The following TMEM181 variants were observed in gnomAD, a reference collection of about 807,000 sequenced individuals.
The protein encoded by TMEM181 is transmembrane protein 181.
TMEM181 carries 39 observed loss-of-function variants against 71.9 expected under a neutral mutation model. The ratio of observed to expected loss-of-function variants is 0.54; its 90% CI spans 0.42 to 0.71. TMEM181 has a LOEUF of 0.71. Ranked by LOEUF, TMEM181 falls within the 30% of genes least tolerant of loss-of-function variation. TMEM181 has a pLI of 0.00. For missense variants in TMEM181, 595 were observed against 583.0 expected (o/e 1.02, Z -0.21); for synonymous variants, 245 against 228.8 (o/e 1.07, Z -0.64).
chr6:158,536,832 A>C lies in TMEM181; in HGVS notation c.98A>C (p.Asp33Ala). The C allele has an allele frequency of 1.3e-6, 2 of 1,541,768 alleles. 1 individual carries two copies. ...GAAGCGTACCGCGAGCTCAAGGAGG[A>C]CCTCACGCCCTTCAAGGATGACCGC... Residue 33 changes from aspartate (D) to alanine (A), a missense_variant, in exon 1 of 17, where the codon GAC becomes GCC. Physicochemically the swap from Asp to Ala is moderately radical, Grantham distance 126. Transcript: ENST00000367090.
chr6:158,579,692 C>T (rs188964694), intron 2 of TMEM181, among the ~76,000 whole-genome samples: 2 of 152,196 alleles, frequency 1.3e-5, no homozygotes, highest in East Asian at 3.9e-4. Flanking sequence ...GCAGTCCAGC[C>T]TGGGCAACAA....
At chr6:158,589,577 G>A (rs921626576) in intron 5 of TMEM181, 95 bp from the exon 6 acceptor site, 1 of 877,208 alleles carries the variant, frequency 1.1e-6, no homozygotes, top group Non-Finnish European at 1.9e-6. Context: ...AATGAGTTCT[G>A]CCCATCTGCT....
At chr6:158,582,820 G>A (rs1017085529) in intron 3 of TMEM181, among the ~76,000 whole-genome samples, 9 of 152,180 alleles carry the variant, frequency 5.9e-5, no homozygotes, top group African/African-American at 2.2e-4. Context: ...AGATACTGCA[G>A]AAGAATCACT....
chr6:158,590,827 C>T (rs1273003044), intron 6 of TMEM181, among the ~76,000 whole-genome samples: 1 of 152,222 alleles, frequency 6.6e-6, no homozygotes, highest in Non-Finnish European at 1.5e-5. Context: ...ATTTTCATTG[C>T]CCCTTAAAGA....
At position 158,571,089 on chromosome 6, in the gene TMEM181, A is replaced by AAATT. The variant is rs200818655; in HGVS notation, c.9-2314_9-2311dup. Among the ~76,000 whole-genome samples, 936 of 151,492 alleles carry AAATT rather than the reference A, an allele frequency of 6.2e-3. 9 individuals are homozygous for AAATT. Among genetic ancestry groups the AAATT allele is most frequent in the African/African-American group, 0.021 (852 of 41,242 alleles). ...CACCACACCCAGCTAATTTTTTAAA[A>AAATT]AATTAATTAATTAATTAATTTTTTT... On this transcript the variant is annotated intron_variant, in intron 1 of 16. Coordinates refer to ENST00000684151, the MANE Select transcript of TMEM181 (RefSeq NM_001376852.1).
chr6:158,617,244 C>T (rs994108465), intron 10 of TMEM181, among the ~76,000 whole-genome samples: 1 of 152,110 alleles, frequency 6.6e-6, no homozygotes, highest in Non-Finnish European at 1.5e-5. Context: ...TTATCTATTT[C>T]TTCCAGATTT....
intron 8 of TMEM181, 47 bp downstream of exon 8, chr6:158,607,390 A>C: frequency 6.4e-7 from 1 of 1,564,464 alleles, no homozygotes. Context: ...TTAAAATGTA[A>C]AGCTGGAGGC....
At chr6:158,630,769 A>C (rs1786615015) in intron 15 of TMEM181, among the ~76,000 whole-genome samples, 1 of 151,774 alleles carries the variant, frequency 6.6e-6, no homozygotes, top group African/African-American at 2.4e-5. Context: ...AAACCAAAAC[A>C]ACCCTCTTGC....
At chr6:158,567,016 T>C (rs1782547087) in intron 1 of TMEM181, among the ~76,000 whole-genome samples, 1 of 152,154 alleles carries the variant, frequency 6.6e-6, no homozygotes, top group African/African-American at 2.4e-5. Context: ...GAAAGTGAGA[T>C]TAATTTAGAA....
At chr6:158,613,983 T>G (rs1785472687) in intron 10 of TMEM181, among the ~76,000 whole-genome samples, 1 of 152,250 alleles carries the variant, frequency 6.6e-6, no homozygotes, top group Non-Finnish European at 1.5e-5. Context: ...TGGTTTACAG[T>G]AACCCAACAT....
In TMEM181 at chr6:158,562,871, C is replaced by T. The variant is rs1345770048; in HGVS notation, c.8+2639C>T. On this transcript the variant is annotated intron_variant, in intron 1 of 16. Transcript: ENST00000684151. ...TCGTGGAATCCTCACTATCACCTTT[C>T]GTGAGGAAGTTTCTCTTTTCCCCAT... Among the ~76,000 whole-genome samples the T allele has an allele frequency of 1.1e-4, 16 of 152,278 alleles. No individual in the cohort carries two copies. The East Asian group carries it at 1.3e-3, about 13-fold the overall frequency.
At chr6:158,631,448 T>C in intron 16 of TMEM181, 59 bp downstream of exon 16, 1 of 1,517,796 alleles carries the variant, frequency 6.6e-7, no homozygotes, top group Non-Finnish European at 9.2e-7. Context: ...CGGCCTTGCA[T>C]GTTTCTGAAT....
chr6:158,631,739 G>T, intron 16 of TMEM181, 71 bp from the exon 17 acceptor site: 2 of 1,450,386 alleles, frequency 1.4e-6, no homozygotes, highest in South Asian at 1.2e-5. Context: ...CTGGAATGGT[G>T]TGTCAGTGTG....
chr6:158,559,934 C>A, upstream of TMEM181: 1 of 442,882 alleles, frequency 2.3e-6, no homozygotes, highest in Non-Finnish European at 3.0e-6. Flanking sequence ...CAGGGCTAGC[C>A]TGGGTGCTCC....
At chr6:158,630,127 G>A (rs575621891) in intron 15 of TMEM181, among the ~76,000 whole-genome samples, 17 of 152,290 alleles carry the variant, frequency 1.1e-4, no homozygotes, top group African/African-American at 4.1e-4. Context: ...GCACATTCAG[G>A]AGAAATCACA....
intron 1 of TMEM181, among the ~76,000 whole-genome samples, chr6:158,537,353 C>A (rs1340830914): frequency 6.6e-6 from 1 of 152,102 alleles, no homozygotes; most frequent in Non-Finnish European, 1.5e-5. Context: ...GCCTCGGAGG[C>A]GGGGGCGCCG....
At chr6:158,569,768 G>C (rs769210248) in intron 1 of TMEM181, among the ~76,000 whole-genome samples, 6 of 152,044 alleles carry the variant, frequency 3.9e-5, no homozygotes, top group Non-Finnish European at 7.4e-5. Flanking sequence ...ACCTGGCTAA[G>C]TTTTGTATTT....
intron 10 of TMEM181, chr6:158,610,528 G>A (rs752073047): frequency 4.7e-4 from 198 of 420,910 alleles, no homozygotes; most frequent in Non-Finnish European, 6.2e-4. Context: ...GCTCCCAGTG[G>A]CTCTTTGGCA....
At position 158,563,680 on chromosome 6, in the gene TMEM181, G is replaced by A. The variant is rs116886025; in HGVS notation, c.8+3448G>A. 6.4e-3 allele frequency among the ~76,000 whole-genome samples: 979 copies of A among 152,330 alleles called. 9 individuals carry two copies. The highest frequency in any genetic ancestry group is 0.032 in the South Asian group (155 of 4,832). On this transcript the variant is annotated intron_variant, in intron 1 of 16. Coordinates refer to ENST00000684151, the MANE Select transcript of TMEM181 (RefSeq NM_001376852.1). ...GCTGAACTGACCAACATGCTCCTGC[G>A]TGTGAGTCACTGGGCTTGCAATCTG...
Sources: allele counts gnomAD v4.1 joint callset (sites outside exome capture counted in the v4.1 genomes callset), GRCh38; gene constraint gnomAD v4.1.1; transcripts MANE v1.5; gene names NCBI Gene and HGNC (gene_info 2026-07-23, HGNC 2026-07-21).